Variants in CERS6 observed in about 807,000 individuals in gnomAD.
CERS6 encodes ceramide synthase 6.
Under a neutral mutation model 56.8 loss-of-function variants are expected in CERS6, and 26 were observed. The observed-to-expected ratio is 0.46, with a 90% CI of 0.34 to 0.63. The LOEUF (loss-of-function observed/expected upper bound fraction) is 0.63, where lower values mean the gene tolerates loss of function less well. Among genes scored for constraint, CERS6 ranks in the 30% least tolerant of loss-of-function variants. The pLI, the probability that CERS6 is intolerant of heterozygous loss-of-function variation, is 0.01. For missense variants in CERS6, 415 were observed against 467.5 expected (o/e 0.89, Z 1.04); for synonymous variants, 164 against 173.3 (o/e 0.95, Z 0.42).
intron 4 of CERS6, among the ~76,000 whole-genome samples, chr2:168,659,394 T>C (rs144881493): frequency 6.6e-6 from 1 of 152,384 alleles, no homozygotes; most frequent in East Asian, 1.9e-4. Context: ...ATCTAAGCAC[T>C]TCTTGTATAT....
chr2:168,745,621 G>A (rs1360311026), intron 8 of CERS6, among the ~76,000 whole-genome samples: 1 of 152,182 alleles, frequency 6.6e-6, no homozygotes, highest in Non-Finnish European at 1.5e-5. Context: ...TCCAGGATAA[G>A]AGAACAAATG....
intron 8 of CERS6, among the ~76,000 whole-genome samples, chr2:168,731,150 G>A (rs1431270619): frequency 2.0e-5 from 3 of 152,138 alleles, no homozygotes; most frequent in East Asian, 1.9e-4. Flanking sequence ...TCTGTTAGCT[G>A]TAATTCTGCT....
chr2:168,525,921 T>G (rs1695063765), intron 1 of CERS6, among the ~76,000 whole-genome samples: 1 of 152,198 alleles, frequency 6.6e-6, no homozygotes, highest in South Asian at 2.1e-4. Context: ...AAAATTTAAT[T>G]GAGCTTTGAT....
intron 8 of CERS6, among the ~76,000 whole-genome samples, chr2:168,760,482 C>T (rs1684542480): frequency 6.6e-6 from 1 of 152,064 alleles, no homozygotes; most frequent in Non-Finnish European, 1.5e-5. Flanking sequence ...TTGGCAATAC[C>T]CTCACAGACC....
chr2:168,734,468 C>T (rs886751676), intron 8 of CERS6, among the ~76,000 whole-genome samples: 1 of 152,172 alleles, frequency 6.6e-6, no homozygotes, highest in African/African-American at 2.4e-5. Flanking sequence ...GACACTAACA[C>T]TGAACCATTT....
chr2:168,578,699 C>A (rs1036450255), intron 3 of CERS6, among the ~76,000 whole-genome samples: 6 of 151,978 alleles, frequency 3.9e-5, no homozygotes, highest in Admixed American at 1.3e-4. Flanking sequence ...CATATTATAT[C>A]CTCATTAGGT....
intron 8 of CERS6, among the ~76,000 whole-genome samples, chr2:168,730,662 T>A (rs1036503507): frequency 1.2e-4 from 18 of 152,148 alleles, no homozygotes; most frequent in African/African-American, 4.3e-4. Context: ...CGTAACAAGC[T>A]CCATGTCTCT....
chr2:168,682,806 C>T (rs965537391), intron 4 of CERS6, among the ~76,000 whole-genome samples: 7 of 152,190 alleles, frequency 4.6e-5, no homozygotes, highest in African/African-American at 1.7e-4. Flanking sequence ...GTAACCAGCT[C>T]ATTCCTGAAA....
chr2:168,743,147 C>CATATATAT (rs148464862), intron 8 of CERS6, among the ~76,000 whole-genome samples: 42 of 146,134 alleles, frequency 2.9e-4, no homozygotes, highest in African/African-American at 1.0e-3. Flanking sequence ...TGTCTATATT[C>CATATATAT]ATATATATAT....
intron 4 of CERS6, among the ~76,000 whole-genome samples, chr2:168,651,693 T>C (rs79219159): frequency 0.034 from 5,247 of 152,242 alleles, 245 homozygotes; most frequent in African/African-American, 0.11. Flanking sequence ...GAGAGCAGCA[T>C]GGGAGGAACC....
chr2:168,617,911 C>G (rs1472793174), intron 3 of CERS6, among the ~76,000 whole-genome samples: 1 of 152,092 alleles, frequency 6.6e-6, no homozygotes, highest in Non-Finnish European at 1.5e-5. Flanking sequence ...ATACCAAAAC[C>G]AAGAAAGGAC....
rs781139328 is a variant in CERS6 at position 168,456,414 on chromosome 2, T to C, written c.-35T>C. Reference sequence around the variant, plus strand: ...CTGCGCGGTGGAGAGCTTGGCGGGCTGCGGGTGCCGCAGGACAGGAGTGGA... The same window carrying C: ...CTGCGCGGTGGAGAGCTTGGCGGGCCGCGGGTGCCGCAGGACAGGAGTGGA... On this transcript the variant is annotated 5_prime_UTR_variant, in exon 1 of 10. Transcript: ENST00000305747. This position sits in a 1 kb window ranked among gnomAD's most constrained non-coding sequence, Gnocchi z 4.1. 2 of 1,546,538 alleles carry C rather than the reference T, an allele frequency of 1.3e-6. No individual in the cohort carries two copies. Among genetic ancestry groups the C allele is most frequent in the Non-Finnish European group, 1.8e-6 (2 of 1,142,318 alleles).
chr2:168,456,785 T>C lies in CERS6; in HGVS notation c.170+167T>C, dbSNP rs1693671578. 6.6e-6 allele frequency among the ~76,000 whole-genome samples: 1 copy of C among 152,154 alleles called. No individual in the cohort carries two copies. Among genetic ancestry groups the C allele is most frequent in the Non-Finnish European group, 1.5e-5 (1 of 68,014 alleles). ...TGACCCCCCTGCCCCGCTGGCTTTC[T>C]GGGAGCCAGAAAGGGTCTGGCTTGC... On this transcript the variant is annotated intron_variant, in intron 1 of 9. Coordinates refer to ENST00000305747, the MANE Select transcript of CERS6 (RefSeq NM_203463.3). The surrounding 1 kb of genome is among the most constrained non-coding windows in gnomAD (Gnocchi z 4.1).
chr2:168,691,250 A>G (rs954747396), intron 5 of CERS6, among the ~76,000 whole-genome samples, 166 bp downstream of exon 5: 3 of 152,170 alleles, frequency 2.0e-5, no homozygotes, highest in Non-Finnish European at 4.4e-5. Context: ...TAATTTGTGC[A>G]TTATTCTTAG....
In CERS6 at chr2:168,772,057, C is replaced by CT. The variant is rs1684874863; in HGVS notation, c.*2396dup. The CT allele has an allele frequency of 2.0e-5, 3 of 152,148 alleles. No individual in the cohort carries two copies. Among genetic ancestry groups the CT allele is most frequent in the African/African-American group, 7.2e-5 (3 of 41,422 alleles). 9.4% of individuals were successfully genotyped at this position (152,148 alleles called of 1,614,324 possible). A position where few individuals can be genotyped will look rare whatever the true frequency, so the allele number is the denominator to read the frequency against. On this transcript the variant is annotated 3_prime_UTR_variant, in exon 10 of 10. Transcript: ENST00000305747. Reference sequence around the variant, plus strand: ...TTTTATGGTGAAGAATAATATATCTCTGTCTATAGCTTTCCCATGGTAGCC... The same window carrying CT: ...TTTTATGGTGAAGAATAATATATCTCTTGTCTATAGCTTTCCCATGGTAGCC...
intron 3 of CERS6, among the ~76,000 whole-genome samples, chr2:168,583,869 CTGTT>C (rs113302982): frequency 1.1e-4 from 17 of 152,304 alleles, no homozygotes; most frequent in African/African-American, 2.4e-4. Context: ...TGAATATTCT[CTGTT>C]TGGCGATTAT....
chr2:168,636,885 C>T (rs920418957), intron 4 of CERS6, among the ~76,000 whole-genome samples: 1 of 152,128 alleles, frequency 6.6e-6, no homozygotes, highest in African/African-American at 2.4e-5. Context: ...ACTGTGAGGC[C>T]CTGTAGAGGC....
At chr2:168,589,135 G>A (rs1169673224) in intron 3 of CERS6, among the ~76,000 whole-genome samples, 1 of 152,210 alleles carries the variant, frequency 6.6e-6, no homozygotes, top group Non-Finnish European at 1.5e-5. Context: ...TTTCATAGAA[G>A]CTGCACCATT....
In CERS6 at chr2:168,620,701, A is replaced by C. The variant is rs185695838; in HGVS notation, c.408-10284A>C. Among the ~76,000 whole-genome samples, 7 of 151,218 alleles carry C rather than the reference A, an allele frequency of 4.6e-5. No individual in the cohort carries two copies. The East Asian group carries it at 1.2e-3, about 25-fold the overall frequency. On this transcript the variant is annotated intron_variant, in intron 3 of 9. Transcript: ENST00000305747. ...TCTCGTGTTTTGTTATGAGACGTGT[A>C]GTAGAGCCTGCAGCAGAAAACTGAC...
Sources: gnomAD v4.1 joint callset for allele counts (sites outside exome capture counted in the v4.1 genomes callset) on GRCh38, gnomAD v4.1.1 for gene constraint, Gnocchi (gnomAD v3.1) non-coding constraint, MANE v1.5 for transcripts, NCBI Gene and HGNC (gene_info 2026-07-23, HGNC 2026-07-21) for gene names.